Variants in NBAS observed in about 807,000 individuals in gnomAD.
NBAS encodes NAG/BC035112 fusion.
In NBAS, 219 loss-of-function variants were observed where a neutral mutation model predicts 302.5. The observed-to-expected ratio is 0.72, with a 90% CI of 0.65 to 0.81. NBAS has a LOEUF of 0.81. Among genes scored for constraint, NBAS ranks in the 30% least tolerant of loss-of-function variants. The pLI is 0.00. For synonymous variants in NBAS, 1,118 were observed against 1,021.6 expected, an observed-to-expected ratio of 1.09 and a Z score of -1.80; for missense variants, 2,932 against 2,841.6, an observed-to-expected ratio of 1.03 and a Z score of -0.72.
At chr2:15,394,443 T>C (rs998530126) in intron 27 of NBAS, 94 bp from the exon 28 acceptor site, 2 of 1,379,966 alleles carry the variant, frequency 1.4e-6, no homozygotes, top group African/African-American at 1.4e-5. Flanking sequence ...GTGTTTAGTA[T>C]TAAAAAAAAA....
At chr2:15,469,676 C>T (rs1482837962) in intron 16 of NBAS, among the ~76,000 whole-genome samples, 3 of 152,118 alleles carry the variant, frequency 2.0e-5, no homozygotes, top group Admixed American at 2.0e-4. Context: ...GATGAGTTCA[C>T]ATCCTGTATA....
At chr2:15,160,099 AT>A in the NBAS span, among the ~76,000 whole-genome samples, 1 of 152,192 alleles carries the variant, frequency 6.6e-6, no homozygotes. Context: ...CCTGTGGATC[AT>A]GGAGAGCCGT....
At chr2:15,215,016 T>C (rs1666589533) in intron 48 of NBAS, among the ~76,000 whole-genome samples, 1 of 152,180 alleles carries the variant, frequency 6.6e-6, no homozygotes, top group Non-Finnish European at 1.5e-5. Context: ...GGGATTTTTT[T>C]CTAAAGGAAT....
At chr2:15,369,199 C>T (rs777294844) in intron 31 of NBAS, among the ~76,000 whole-genome samples, 6 of 152,088 alleles carry the variant, frequency 3.9e-5, no homozygotes, top group Non-Finnish European at 5.9e-5. Flanking sequence ...TTCATAGCTG[C>T]TTTTATGGCT....
chr2:15,131,470 C>A, the NBAS span, among the ~76,000 whole-genome samples: 1 of 152,142 alleles, frequency 6.6e-6, no homozygotes. Flanking sequence ...GCCTTAATTT[C>A]TCCATGTTGT....
At chr2:15,146,326 T>A in the NBAS span, among the ~76,000 whole-genome samples, 1 of 152,164 alleles carries the variant, frequency 6.6e-6, no homozygotes, top group Non-Finnish European at 1.5e-5. Context: ...TCATGACACA[T>A]ATTTAAGGAT....
intron 25 of NBAS, among the ~76,000 whole-genome samples, chr2:15,410,711 A>G (rs1297092301): frequency 6.6e-6 from 1 of 152,268 alleles, no homozygotes; most frequent in Non-Finnish European, 1.5e-5. Flanking sequence ...ACTGTATAAT[A>G]TACAGAAATA....
At chr2:15,496,362 G>GT (rs976951478) in intron 11 of NBAS, among the ~76,000 whole-genome samples, 1 of 152,002 alleles carries the variant, frequency 6.6e-6, no homozygotes, top group African/African-American at 2.4e-5. Flanking sequence ...GGGATGCAGG[G>GT]TTTTTTTCCA....
intron 48 of NBAS, among the ~76,000 whole-genome samples, chr2:15,207,712 C>G (rs1371291880): frequency 6.6e-6 from 1 of 152,164 alleles, no homozygotes; most frequent in Non-Finnish European, 1.5e-5. Context: ...GTGCTTCCCC[C>G]CTTCTCTCTC....
chr2:15,544,394 C>T lies in NBAS; in HGVS notation c.380-5038G>A, dbSNP rs77708429. Among the ~76,000 whole-genome samples, 1,163 of 151,112 alleles carry T rather than the reference C, an allele frequency of 7.7e-3. 19 individuals carry two copies. Among genetic ancestry groups the T allele is most frequent in the East Asian group, 0.057 (293 of 5,138 alleles). On this transcript the variant is annotated intron_variant, in intron 6 of 51. Transcript: ENST00000281513. ...GGAAGGAAGGCGGGAAAGAGGGAAG[C>T]AGGGAAGGGAGGAAGGGAAGAAGGG...
chr2:15,539,483 A>T lies in NBAS; in HGVS notation c.380-127T>A. 3 of 1,209,704 alleles carry T rather than the reference A, an allele frequency of 2.5e-6. No individual in the cohort carries two copies. The South Asian group carries it at 4.0e-5, about 16-fold the overall frequency. The allele number at this position is 1,209,704 out of a possible 1,614,324, so 74.9% of individuals were successfully genotyped here. ...ACGTCATCTCCTAAGGATCTCTAAT[A>T]AAGCTTCCCTCAATAAAAAAGAGCA... On this transcript the variant is annotated intron_variant, in intron 6 of 51. Coordinates refer to ENST00000281513, the MANE Select transcript of NBAS (RefSeq NM_015909.4).
At chr2:15,251,917 G>T (rs1668382453) in intron 44 of NBAS, among the ~76,000 whole-genome samples, 2 of 152,162 alleles carry the variant, frequency 1.3e-5, no homozygotes, top group African/African-American at 2.4e-5. Context: ...ATTCAAGATG[G>T]AGTTGCTCTG....
At chr2:15,327,230 G>A (rs1440168924) in intron 38 of NBAS, among the ~76,000 whole-genome samples, 2 of 151,956 alleles carry the variant, frequency 1.3e-5, no homozygotes, top group Non-Finnish European at 2.9e-5. Flanking sequence ...AGAGAGAGGG[G>A]GAATTCAAAG....
intron 51 of NBAS, among the ~76,000 whole-genome samples, chr2:15,170,253 T>C (rs949260124): frequency 6.6e-6 from 1 of 152,182 alleles, no homozygotes; most frequent in Admixed American, 6.5e-5. Flanking sequence ...TTCTATCCAG[T>C]GCAACCAAAT....
intron 44 of NBAS, among the ~76,000 whole-genome samples, chr2:15,269,787 G>A (rs1409381260): frequency 3.3e-5 from 5 of 152,300 alleles, no homozygotes; most frequent in Middle Eastern, 3.4e-3. Context: ...GTTTTAATGC[G>A]ACAGGGTACA....
chr2:14,975,232 C>T, the NBAS span, among the ~76,000 whole-genome samples: 1 of 152,194 alleles, frequency 6.6e-6, no homozygotes, highest in Admixed American at 6.5e-5. Flanking sequence ...CCTAACTGGA[C>T]TTCTGACCCA....
the NBAS span, among the ~76,000 whole-genome samples, chr2:14,979,862 C>A: frequency 7.2e-5 from 11 of 152,064 alleles, no homozygotes; most frequent in African/African-American, 1.2e-4. Context: ...GTAATTGTAA[C>A]CCAAAGAGAC....
At position 15,374,627 on chromosome 2, in the gene NBAS, T is replaced by C. The variant is rs1318205628; in HGVS notation, c.3684A>G (p.Val1228=). ...ACTCACCTTGCAAAGGCAGGATCTT[T>C]ACCCCAAATTCTTCAAGACATCCAA... The part of the protein sequence containing the change: ...QAVGCLEEFG[V]KILPLQVRLC... Residue 1228 remains valine, a synonymous_variant, in exon 31 of 52, where the codon GTA becomes GTG. Coordinates refer to ENST00000281513, the MANE Select transcript of NBAS (RefSeq NM_015909.4). 2 of 1,613,872 alleles carry C rather than the reference T, an allele frequency of 1.2e-6. No individual in the cohort carries two copies. Among genetic ancestry groups the C allele is most frequent in the Non-Finnish European group, 1.7e-6 (2 of 1,179,772 alleles).
At chr2:15,224,281 A>AT (rs1410294966) in intron 47 of NBAS, among the ~76,000 whole-genome samples, 2 of 152,214 alleles carry the variant, frequency 1.3e-5, no homozygotes, top group African/African-American at 2.4e-5. Context: ...AAGAAGACAG[A>AT]TTTTTTAAGA....
Sources: allele counts gnomAD v4.1 joint callset (sites outside exome capture counted in the v4.1 genomes callset), GRCh38; gene constraint gnomAD v4.1.1; transcripts MANE v1.5; gene names NCBI Gene and HGNC (gene_info 2026-07-23, HGNC 2026-07-21).